Variants in NRXN1 observed in about 807,000 individuals in gnomAD.
The protein encoded by NRXN1 is neurexin-1.
Under a neutral mutation model 150.9 loss-of-function variants are expected in NRXN1, and 39 were observed. The ratio of observed to expected loss-of-function variants is 0.26; its 90% CI spans 0.20 to 0.34. The LOEUF (loss-of-function observed/expected upper bound fraction) is 0.34, where lower values mean the gene tolerates loss of function less well. NRXN1 is among the 10% of genes least tolerant of loss of function. The pLI is 1.00. For synonymous variants in NRXN1, 924 were observed against 757.0 expected, an observed-to-expected ratio of 1.22 and a Z score of -3.62; for missense variants, 1,815 against 1,949.9, an observed-to-expected ratio of 0.93 and a Z score of 1.30.
chr2:50,870,135 T>C (rs1290289842), intron 5 of NRXN1, among the ~76,000 whole-genome samples: 1 of 151,912 alleles, frequency 6.6e-6, no homozygotes, highest in Non-Finnish European at 1.5e-5. Flanking sequence ...TGTTGGCATA[T>C]CAAATATGTG....
intron 21 of NRXN1, among the ~76,000 whole-genome samples, chr2:49,979,192 G>A (rs1450881819): frequency 6.6e-6 from 1 of 152,190 alleles, no homozygotes; most frequent in Non-Finnish European, 1.5e-5. Flanking sequence ...AGCTACTTGA[G>A]AGGCTGAGGC....
chr2:50,823,237 A>G (rs1347087321), intron 5 of NRXN1, among the ~76,000 whole-genome samples: 2 of 152,190 alleles, frequency 1.3e-5, no homozygotes, highest in Non-Finnish European at 2.9e-5. Context: ...AATTTTGAAA[A>G]CCAAAGAGAT....
chr2:50,944,519 C>T (rs1483017200), intron 2 of NRXN1, among the ~76,000 whole-genome samples: 2 of 152,070 alleles, frequency 1.3e-5, no homozygotes, highest in East Asian at 1.9e-4. Flanking sequence ...TTCCTACTTC[C>T]GTTTATTCAT....
chr2:49,993,458 T>G (rs1329280481), intron 21 of NRXN1, among the ~76,000 whole-genome samples: 8 of 152,210 alleles, frequency 5.3e-5, no homozygotes, highest in Non-Finnish European at 7.3e-5. Flanking sequence ...GTGAAAATAC[T>G]CTGTATGACA....
intron 2 of NRXN1, among the ~76,000 whole-genome samples, chr2:50,933,819 A>C (rs1006259456): frequency 6.6e-6 from 1 of 152,148 alleles, no homozygotes; most frequent in South Asian, 2.1e-4. Context: ...CTGAACAGAA[A>C]GAGAAATTTC....
At chr2:50,129,128 C>T (rs1705080172) in intron 18 of NRXN1, among the ~76,000 whole-genome samples, 1 of 152,010 alleles carries the variant, frequency 6.6e-6, no homozygotes. Flanking sequence ...CCACAGAAAG[C>T]CAAACACAAA....
At chr2:50,674,571 G>A (rs1464525451) in intron 5 of NRXN1, among the ~76,000 whole-genome samples, 1 of 152,124 alleles carries the variant, frequency 6.6e-6, no homozygotes, top group Non-Finnish European at 1.5e-5. Flanking sequence ...TACTGCGATA[G>A]TTCAGGTGGA....
chr2:50,906,847 T>G (rs1320502909), intron 5 of NRXN1, among the ~76,000 whole-genome samples: 1 of 152,022 alleles, frequency 6.6e-6, no homozygotes, highest in Non-Finnish European at 1.5e-5. Flanking sequence ...GGATTACATG[T>G]GGATTACATG....
intron 5 of NRXN1, among the ~76,000 whole-genome samples, chr2:50,862,584 C>T (rs1199060054): frequency 1.3e-5 from 2 of 152,080 alleles, no homozygotes; most frequent in East Asian, 3.9e-4. Flanking sequence ...AATCCCATTG[C>T]AACGCTGGGC....
intron 17 of NRXN1, among the ~76,000 whole-genome samples, chr2:50,418,114 G>T (rs938249228): frequency 3.3e-5 from 5 of 151,914 alleles, no homozygotes; most frequent in Admixed American, 3.3e-4. Context: ...AAAATCAAAA[G>T]GATTTTATTT....
At chr2:50,908,887 T>G (rs1387453579) in intron 5 of NRXN1, among the ~76,000 whole-genome samples, 2 of 151,992 alleles carry the variant, frequency 1.3e-5, no homozygotes, top group Non-Finnish European at 2.9e-5. Flanking sequence ...CCTCCACATG[T>G]TATGATGCAG....
intron 5 of NRXN1, among the ~76,000 whole-genome samples, chr2:50,689,003 C>A (rs557712961): frequency 2.0e-5 from 3 of 152,140 alleles, no homozygotes; most frequent in South Asian, 4.1e-4. Flanking sequence ...AATATACATA[C>A]CCCTTTACTA....
chr2:50,043,662 G>T (rs1365220780), intron 21 of NRXN1, among the ~76,000 whole-genome samples: 1 of 152,158 alleles, frequency 6.6e-6, no homozygotes, highest in Non-Finnish European at 1.5e-5. Context: ...GCTTGGAGGT[G>T]TAGAAAATAT....
intron 19 of NRXN1, among the ~76,000 whole-genome samples, chr2:50,065,498 G>A (rs1309917084): frequency 1.3e-5 from 2 of 152,056 alleles, no homozygotes; most frequent in African/African-American, 4.8e-5. Flanking sequence ...AGATTCTGGG[G>A]TGAGATCGCC....
chr2:50,565,540 A>G (rs546017599), intron 8 of NRXN1, among the ~76,000 whole-genome samples: 3 of 152,306 alleles, frequency 2.0e-5, no homozygotes, highest in Admixed American at 2.0e-4. Context: ...CTGACTGGGA[A>G]CCAAAAAATA....
intron 15 of NRXN1, among the ~76,000 whole-genome samples, chr2:50,482,343 T>C (rs1436797335): frequency 6.6e-6 from 1 of 152,210 alleles, no homozygotes; most frequent in African/African-American, 2.4e-5. Context: ...CATGCCAAGC[T>C]AACTTCATCT....
intron 18 of NRXN1, among the ~76,000 whole-genome samples, chr2:50,144,407 A>T (rs980350341): frequency 2.6e-5 from 4 of 151,848 alleles, no homozygotes; most frequent in Non-Finnish European, 5.9e-5. Flanking sequence ...GTCTAAGACA[A>T]CAGTCTAAAA....
At chr2:50,378,570 T>C (rs905383058) in intron 17 of NRXN1, among the ~76,000 whole-genome samples, 3 of 152,152 alleles carry the variant, frequency 2.0e-5, no homozygotes, top group Admixed American at 2.0e-4. Context: ...TGAACTGCTT[T>C]CTACCCACAG....
chr2:50,664,777 T>TAA (rs574100304), intron 5 of NRXN1, among the ~76,000 whole-genome samples: 4 of 135,088 alleles, frequency 3.0e-5, no homozygotes, highest in East Asian at 2.1e-4. Flanking sequence ...TTAACATTCC[T>TAA]AAAAAAAAAA....
Sources: allele counts gnomAD v4.1 joint callset (sites outside exome capture counted in the v4.1 genomes callset), GRCh38; gene constraint gnomAD v4.1.1; transcripts MANE v1.5; gene names NCBI Gene and HGNC (gene_info 2026-07-23, HGNC 2026-07-21).